The following HDAC4 variants were observed in gnomAD, a reference collection of about 807,000 sequenced individuals.
HDAC4 encodes histone deacetylase A.
HDAC4 carries 16 observed loss-of-function variants against 135.1 expected under a neutral mutation model. The observed-to-expected ratio is 0.12, with a 90% confidence interval of 0.08 to 0.18. The LOEUF is 0.18. Ranked by LOEUF, HDAC4 falls within the 10% of genes least tolerant of loss-of-function variation. The pLI is 1.00. For synonymous variants in HDAC4, 685 were observed against 653.4 expected (o/e 1.05, Z -0.74); for missense variants, 1,143 against 1,511.8 (o/e 0.76, Z 4.05).
chr2:239,257,219 C>T (rs1407202309), intron 2 of HDAC4, among the ~76,000 whole-genome samples: 1 of 150,936 alleles, frequency 6.6e-6, no homozygotes, highest in African/African-American at 2.4e-5. Flanking sequence ...ATAAACATGA[C>T]TGCTTCAAAA....
intron 2 of HDAC4, among the ~76,000 whole-genome samples, chr2:239,311,797 C>A (rs1009252696): frequency 2.6e-5 from 4 of 152,182 alleles, no homozygotes; most frequent in African/African-American, 9.7e-5. Flanking sequence ...AGTGATGGGG[C>A]GGTGCTTCCT....
intron 7 of HDAC4, among the ~76,000 whole-genome samples, chr2:239,152,973 G>A (rs1416989401): frequency 6.6e-6 from 1 of 152,242 alleles, no homozygotes; most frequent in East Asian, 1.9e-4. Context: ...TTTCACAGAT[G>A]ACGAAACTGA....
In HDAC4 at chr2:239,290,149, G is replaced by A. The variant is rs542253528; in HGVS notation, c.23-53485C>T. On this transcript the variant is annotated intron_variant, in intron 2 of 26. Coordinates refer to ENST00000543185, the MANE Select transcript of HDAC4 (RefSeq NM_001378414.1). ...ACCAGGAAAAATTCACTCAAGTCTT[G>A]TCATTCAAACTTAAAATATATCAAC... 1.4e-4 allele frequency among the ~76,000 whole-genome samples: 22 copies of A among 152,270 alleles called. No individual in the cohort carries two copies. In the South Asian group the frequency reaches 3.5e-3, roughly 24 times the overall value.
chr2:239,391,525 A>G (rs771216069), intron 1 of HDAC4, among the ~76,000 whole-genome samples: 4 of 152,204 alleles, frequency 2.6e-5, no homozygotes, highest in Non-Finnish European at 4.4e-5. Flanking sequence ...GTGTGTCCTC[A>G]GAGCCAGCGG....
At chr2:239,377,903 G>A (rs1028887656) in intron 1 of HDAC4, among the ~76,000 whole-genome samples, 5 of 152,032 alleles carry the variant, frequency 3.3e-5, no homozygotes, top group Non-Finnish European at 5.9e-5. Flanking sequence ...CAGGGGGAGC[G>A]CCCCACCTGC....
At chr2:239,358,829 A>G (rs1693683038) in intron 1 of HDAC4, among the ~76,000 whole-genome samples, 1 of 152,198 alleles carries the variant, frequency 6.6e-6, no homozygotes. Context: ...CAGAATCGCT[A>G]ACCTCTACAC....
intron 3 of HDAC4, among the ~76,000 whole-genome samples, chr2:239,213,947 G>A (rs1034740433): frequency 1.3e-5 from 2 of 152,248 alleles, no homozygotes; most frequent in African/African-American, 4.8e-5. Flanking sequence ...AGGCAGGGAG[G>A]TAGAGAAATC....
In HDAC4 at chr2:239,052,913, A is replaced by C. The variant is rs2031089558; in HGVS notation, c.*184T>G. ...GTGAGGCTGCCACGCCCAGGCGTGCATGTGCGTCTCGAGACCTGTGGGCCT... is the reference window on the plus strand; with the variant it reads ...GTGAGGCTGCCACGCCCAGGCGTGCCTGTGCGTCTCGAGACCTGTGGGCCT... On this transcript the variant is annotated 3_prime_UTR_variant, in exon 27 of 27. Coordinates refer to ENST00000543185, the MANE Select transcript of HDAC4 (RefSeq NM_001378414.1). 5 of 679,922 alleles carry C rather than the reference A, an allele frequency of 7.4e-6. No homozygotes were observed. The highest frequency in any genetic ancestry group is 1.3e-5 in the Non-Finnish European group (5 of 377,442). The allele number at this position is 679,922 out of a possible 1,614,324, so 42.1% of individuals were successfully genotyped here. A position where few individuals can be genotyped will look rare whatever the true frequency, so the allele number is the denominator to read the frequency against.
At chr2:239,304,491 G>A (rs977368266) in intron 2 of HDAC4, among the ~76,000 whole-genome samples, 9 of 152,186 alleles carry the variant, frequency 5.9e-5, no homozygotes, top group Non-Finnish European at 1.0e-4. Context: ...AGGCTATAAC[G>A]TAACAGACAT....
At chr2:239,243,560 AC>A (rs1467372256) in intron 2 of HDAC4, among the ~76,000 whole-genome samples, 2 of 152,044 alleles carry the variant, frequency 1.3e-5, no homozygotes, top group Non-Finnish European at 2.9e-5. Flanking sequence ...CACTGTGCAC[AC>A]CCCACTGTGC....
At chr2:239,096,052 C>T (rs1023063396) in intron 16 of HDAC4, among the ~76,000 whole-genome samples, 2 of 152,164 alleles carry the variant, frequency 1.3e-5, no homozygotes, top group Non-Finnish European at 2.9e-5. Flanking sequence ...TCTCAGCCTG[C>T]TCCAGAACAG....
At chr2:239,097,663 G>A (rs1035830644) in intron 16 of HDAC4, among the ~76,000 whole-genome samples, 4 of 152,244 alleles carry the variant, frequency 2.6e-5, no homozygotes, top group Non-Finnish European at 5.9e-5. Context: ...GCAGGAGCTG[G>A]CGGGATGTGG....
rs564733049 is a variant in HDAC4, at chr2:239,062,786, A to G, written c.3003+3936T>C. 3.3e-5 allele frequency among the ~76,000 whole-genome samples: 5 copies of G among 152,352 alleles called. No individual in the cohort carries two copies. In the South Asian group the frequency reaches 1.0e-3, roughly 32 times the overall value. ...TGTCGCTGGCCAGCTCACCCGCTGC[A>G]GGGATGCCACCTGGATCTTTGATCT... is the stretch of plus-strand genomic sequence containing the variant. On this transcript the variant is annotated intron_variant, in intron 24 of 26. Coordinates refer to ENST00000543185, the MANE Select transcript of HDAC4 (RefSeq NM_001378414.1).
chr2:239,118,736 G>A (rs2152821425), intron 12 of HDAC4, among the ~76,000 whole-genome samples: 1 of 152,240 alleles, frequency 6.6e-6, no homozygotes, highest in East Asian at 1.9e-4. Flanking sequence ...TTTCCGGTTA[G>A]ACTTTCACAA....
chr2:239,275,457 G>A (rs1575587034), intron 2 of HDAC4, among the ~76,000 whole-genome samples: 2 of 152,232 alleles, frequency 1.3e-5, no homozygotes, highest in African/African-American at 4.8e-5. Context: ...TGGTCGGGAC[G>A]CTATCATGTA....
intron 2 of HDAC4, among the ~76,000 whole-genome samples, chr2:239,276,334 TCTAA>T (rs1236915385): frequency 6.6e-6 from 1 of 152,124 alleles, no homozygotes; most frequent in African/African-American, 2.4e-5. Context: ...GAGAGGCCTG[TCTAA>T]CTGACTCAGC....
chr2:239,335,299 A>AT (rs1691855118), intron 2 of HDAC4, among the ~76,000 whole-genome samples: 1 of 152,048 alleles, frequency 6.6e-6, no homozygotes, highest in Non-Finnish European at 1.5e-5. Context: ...ACTCTTTTAA[A>AT]TAAATACTGT....
intron 12 of HDAC4, among the ~76,000 whole-genome samples, chr2:239,124,933 C>T (rs918145146): frequency 1.3e-3 from 102 of 80,150 alleles, no homozygotes; most frequent in African/African-American, 3.3e-3. Flanking sequence ...CGTGTGGCTG[C>T]GTTATATGAC....
chr2:239,260,198 C>A (rs1324423367), intron 2 of HDAC4, among the ~76,000 whole-genome samples: 1 of 152,222 alleles, frequency 6.6e-6, no homozygotes. Flanking sequence ...TCTGCAGGCG[C>A]CCTGTGACGA....
Sources: allele counts gnomAD v4.1 joint callset (sites outside exome capture counted in the v4.1 genomes callset), GRCh38; gene constraint gnomAD v4.1.1; transcripts MANE v1.5; gene names NCBI Gene and HGNC (gene_info 2026-07-23, HGNC 2026-07-21).